CSMD1: variants seen among roughly 807,000 people sequenced by gnomAD.
The protein encoded by CSMD1 is CUB and sushi domain-containing protein 1.
A neutral mutation model predicts 417.5 loss-of-function variants in CSMD1; 213 were observed. The observed-to-expected ratio is 0.51, with a 90% CI of 0.46 to 0.57. The LOEUF (loss-of-function observed/expected upper bound fraction) is 0.57. Among genes scored for constraint, CSMD1 ranks in the 20% least tolerant of loss-of-function variants. The pLI is 0.00. For missense variants in CSMD1, 6,923 were observed against 4,529.7 expected, an observed-to-expected ratio of 1.53 and a Z score of -15.17; for synonymous variants, 2,862 against 1,736.8, an observed-to-expected ratio of 1.65 and a Z score of -16.11.
chr8:3,465,826 T>C (rs894241290), intron 12 of CSMD1, among the ~76,000 whole-genome samples: 2 of 152,148 alleles, frequency 1.3e-5, no homozygotes, highest in Admixed American at 1.3e-4. Flanking sequence ...GCAGTTTGTC[T>C]AGGGTTTGTA....
At chr8:3,684,119 TATAATTTATATAATATATA>T (rs1488955249) in intron 7 of CSMD1, among the ~76,000 whole-genome samples, 16 of 107,670 alleles carry the variant, frequency 1.5e-4, no homozygotes, top group Admixed American at 1.5e-3. Flanking sequence ...TTATATAATA[TATAATTTATATAATATATA>T]ATGCCTATAT....
chr8:3,029,418 G>C lies in CSMD1; in HGVS notation c.7756C>G (p.Leu2586Val), dbSNP rs774587000. ...SLNEYGAQVL[L>V]SCSPGYYLEG... ...AAGTAGTAACCAGGACTGCAGCTCA[G>C]CAATACTTGAGCACCGTACTCATTC... Residue 2586 changes from leucine (L) to valine (V), a missense_variant, in exon 51 of 70, where the codon CTG becomes GTG. Leu to Val is a conservative substitution (Grantham distance 32). Transcript: ENST00000635120. The C allele has an allele frequency of 6.2e-7, 1 of 1,611,580 alleles. No homozygotes were observed. The highest frequency in any genetic ancestry group is 1.1e-5 in the South Asian group (1 of 90,564).
At chr8:3,769,292 T>C (rs1042338203) in intron 5 of CSMD1, among the ~76,000 whole-genome samples, 2 of 152,130 alleles carry the variant, frequency 1.3e-5, no homozygotes, top group Admixed American at 1.3e-4. Flanking sequence ...AGCTAAATAG[T>C]GGTCTTTAGT....
intron 3 of CSMD1, among the ~76,000 whole-genome samples, chr8:4,292,553 G>C (rs541534844): frequency 9.2e-5 from 14 of 152,040 alleles, no homozygotes; most frequent in Non-Finnish European, 1.5e-4. Flanking sequence ...CACCGTGCCC[G>C]CCCGAATTTT....
At chr8:3,004,745 A>G (rs1807726608) in intron 52 of CSMD1, among the ~76,000 whole-genome samples, 1 of 152,192 alleles carries the variant, frequency 6.6e-6, no homozygotes, top group African/African-American at 2.4e-5. Context: ...TTCACCAACC[A>G]CTTAAAATGG....
chr8:3,268,968 A>G (rs1419944087), intron 26 of CSMD1, among the ~76,000 whole-genome samples: 1 of 152,222 alleles, frequency 6.6e-6, no homozygotes, highest in African/African-American at 2.4e-5. Flanking sequence ...AGTAATAAGT[A>G]TTAAACCTCC....
At chr8:4,253,980 G>A (rs566422236) in intron 3 of CSMD1, among the ~76,000 whole-genome samples, 3 of 127,634 alleles carry the variant, frequency 2.4e-5, no homozygotes, top group East Asian at 2.3e-4. Context: ...GCAGTGGTGC[G>A]ATCTCGGCTC....
intron 1 of CSMD1, among the ~76,000 whole-genome samples, chr8:4,822,574 T>C (rs1010904239): frequency 3.3e-5 from 5 of 152,096 alleles, no homozygotes; most frequent in African/African-American, 4.8e-5. Flanking sequence ...AATTTTTACA[T>C]TTTTATATTT....
chr8:4,479,157 A>C (rs1343422032), intron 2 of CSMD1, among the ~76,000 whole-genome samples: 2 of 152,224 alleles, frequency 1.3e-5, no homozygotes, highest in African/African-American at 4.8e-5. Context: ...ATTTATAAAT[A>C]AATACATAAA....
intron 1 of CSMD1, among the ~76,000 whole-genome samples, chr8:4,733,884 G>A (rs965358519): frequency 6.6e-6 from 1 of 152,024 alleles, no homozygotes; most frequent in South Asian, 2.1e-4. Flanking sequence ...AATTGACCTG[G>A]GTAGCTTTTT....
intron 3 of CSMD1, among the ~76,000 whole-genome samples, chr8:4,109,208 A>G (rs540796525): frequency 2.3e-3 from 354 of 152,262 alleles, no homozygotes; most frequent in African/African-American, 7.9e-3. Context: ...AAAATCCTGA[A>G]TATTTTCGGT....
intron 2 of CSMD1, among the ~76,000 whole-genome samples, chr8:4,465,855 C>T (rs925972000): frequency 9.2e-5 from 14 of 152,186 alleles, no homozygotes; most frequent in Admixed American, 6.5e-4. Context: ...ATTCTATCCT[C>T]TTCACAGGTG....
intron 5 of CSMD1, among the ~76,000 whole-genome samples, chr8:3,769,602 G>A (rs1346369758): frequency 2.6e-5 from 4 of 152,020 alleles, no homozygotes; most frequent in African/African-American, 2.4e-5. Context: ...TAAAAGTGAA[G>A]TATCTATTTA....
intron 3 of CSMD1, among the ~76,000 whole-genome samples, chr8:4,315,291 G>A (rs750220590): frequency 7.2e-5 from 11 of 152,154 alleles, no homozygotes; most frequent in Admixed American, 1.3e-4. Context: ...AGTATGCGAG[G>A]AGACCCTTTT....
intron 1 of CSMD1, among the ~76,000 whole-genome samples, chr8:4,952,705 T>G (rs895486628): frequency 3.3e-5 from 5 of 152,064 alleles, no homozygotes; most frequent in African/African-American, 1.2e-4. Context: ...TTAAAATGAG[T>G]ATTAAAATGA....
At chr8:4,846,489 C>G (rs1585204018) in intron 1 of CSMD1, among the ~76,000 whole-genome samples, 1 of 152,186 alleles carries the variant, frequency 6.6e-6, no homozygotes, top group East Asian at 1.9e-4. Flanking sequence ...TGTGACCAGC[C>G]TCCTGACAGC....
intron 5 of CSMD1, among the ~76,000 whole-genome samples, chr8:3,944,072 G>T (rs1008284649): frequency 2.6e-5 from 4 of 152,050 alleles, no homozygotes; most frequent in African/African-American, 9.7e-5. Context: ...ACTATTTCAA[G>T]AAAAATATAC....
chr8:4,285,781 C>T (rs760298292), intron 3 of CSMD1, among the ~76,000 whole-genome samples: 1 of 152,156 alleles, frequency 6.6e-6, no homozygotes, highest in Non-Finnish European at 1.5e-5. Context: ...GACATGCAGG[C>T]TCTGCTTCTT....
chr8:4,427,317 G>C (rs373341521), intron 2 of CSMD1, among the ~76,000 whole-genome samples: 2 of 152,124 alleles, frequency 1.3e-5, no homozygotes, highest in Admixed American at 1.3e-4. Context: ...ACAAAATACT[G>C]GATGCAGTGA....
Sources: gnomAD v4.1 joint callset for allele counts (sites outside exome capture counted in the v4.1 genomes callset) on GRCh38, gnomAD v4.1.1 for gene constraint, MANE v1.5 for transcripts, NCBI Gene and HGNC (gene_info 2026-07-23, HGNC 2026-07-21) for gene names.